Variants in JAM3 observed in about 807,000 individuals in gnomAD.
JAM3 encodes junctional adhesion molecule 3, also known as junctional adhesion molecule C.
JAM3 carries 31 observed loss-of-function variants against 39.4 expected under a neutral mutation model. The observed-to-expected ratio is 0.79, with a 90% confidence interval of 0.59 to 1.06. The LOEUF (loss-of-function observed/expected upper bound fraction) is 1.06. Ranked by LOEUF, JAM3 falls within the 50% of genes least tolerant of loss-of-function variation. The probability of loss-of-function intolerance (pLI) is 0.00; values close to 1 mark genes in which losing one functional copy is unlikely to be tolerated. For missense variants in JAM3, 455 were observed against 391.4 expected (o/e 1.16, Z -1.37); for synonymous variants, 182 against 148.7 (o/e 1.22, Z -1.63).
chr11:134,139,389 G>A (rs925221933), intron 1 of JAM3, among the ~76,000 whole-genome samples: 4 of 152,226 alleles, frequency 2.6e-5, no homozygotes, highest in African/African-American at 7.2e-5. Context: ...CATACCCAGA[G>A]AGTGTTGATG....
At chr11:134,148,370 G>A in intron 6 of JAM3, 177 bp from the exon 7 acceptor site, 2 of 690,600 alleles carry the variant, frequency 2.9e-6, no homozygotes, top group South Asian at 1.7e-5. Context: ...GAGTTATGGT[G>A]TCCTATATGT....
At chr11:134,109,851 ACT>A in intron 1 of JAM3, among the ~76,000 whole-genome samples, 1 of 152,360 alleles carries the variant, frequency 6.6e-6, no homozygotes, top group Non-Finnish European at 1.5e-5. Flanking sequence ...CTGGGGAGAT[ACT>A]GAACCTTTTC....
chr11:134,120,038 C>G (rs1390611308), intron 1 of JAM3, among the ~76,000 whole-genome samples: 1 of 151,656 alleles, frequency 6.6e-6, no homozygotes, highest in Non-Finnish European at 1.5e-5. Context: ...CTTTATCCAC[C>G]CCCACCTCCC....
chr11:134,121,819 G>GCA (rs143306492), intron 1 of JAM3, among the ~76,000 whole-genome samples: 22 of 83,230 alleles, frequency 2.6e-4, no homozygotes, highest in Non-Finnish European at 4.6e-4. Context: ...GTGCATGTGT[G>GCA]CGCACACACA....
intron 1 of JAM3, chr11:134,124,138 C>A: frequency 6.7e-7 from 1 of 1,484,712 alleles, no homozygotes; most frequent in Non-Finnish European, 9.4e-7. Flanking sequence ...AATGGCCAAT[C>A]TAGAAGGTGG....
chr11:134,122,605 G>T (rs905989705), intron 1 of JAM3, among the ~76,000 whole-genome samples: 1 of 152,080 alleles, frequency 6.6e-6, no homozygotes, highest in Admixed American at 6.5e-5. Flanking sequence ...TACTCACTAG[G>T]CATCATCGCT....
chr11:134,104,087 A>C (rs945924427), intron 1 of JAM3, among the ~76,000 whole-genome samples: 16 of 152,234 alleles, frequency 1.1e-4, no homozygotes, highest in African/African-American at 3.9e-4. Flanking sequence ...ACTTATTCCA[A>C]AATTGACCAC....
At chr11:134,075,244 C>T (rs971629575) in intron 1 of JAM3, among the ~76,000 whole-genome samples, 1 of 152,164 alleles carries the variant, frequency 6.6e-6, no homozygotes, top group Non-Finnish European at 1.5e-5. Context: ...AGCACTTACT[C>T]TCTCTGGGCT....
At chr11:134,141,132 AG>A (rs1348421073) in intron 3 of JAM3, among the ~76,000 whole-genome samples, 3 of 152,100 alleles carry the variant, frequency 2.0e-5, no homozygotes, top group African/African-American at 7.2e-5. Flanking sequence ...CATATGTTTC[AG>A]CAAGGGCACA....
rs183125280 is a variant in JAM3, at chr11:134,111,200, G to A, written c.77-28651G>A. Among the ~76,000 whole-genome samples the A allele has an allele frequency of 9.9e-3, 1,309 of 132,630 alleles. 19 individuals carry two copies. The highest frequency in any genetic ancestry group is 0.037 in the African/African-American group (1,231 of 33,708). The allele number at this position is 132,630 out of a possible 152,430, so 87.0% of individuals were successfully genotyped here. A position where few individuals can be genotyped will look rare whatever the true frequency, so the allele number is the denominator to read the frequency against. ...ACTCTGTCGCCCAGGCTCGAGTGCA[G>A]TGGCGCGATCTCGGCTCACTGCAAG... On this transcript the variant is annotated intron_variant, in intron 1 of 8. Coordinates refer to ENST00000299106, the MANE Select transcript of JAM3 (RefSeq NM_032801.5).
chr11:134,073,355 CTATT>C (rs1454560090), intron 1 of JAM3, among the ~76,000 whole-genome samples: 1 of 152,202 alleles, frequency 6.6e-6, no homozygotes, highest in Admixed American at 6.5e-5. Flanking sequence ...AGACATCAAA[CTATT>C]TAATAGAGTT....
rs539233593 is a variant in JAM3, at chr11:134,148,853, C to A, written c.897+35C>A. The stretch of plus-strand genomic sequence containing the variant: ...TAGTAAACCTGGAAACCTAGGTGTA[C>A]CCAGCAGGGAAAACAACATTCCCCC... On this transcript the variant is annotated intron_variant, in intron 8 of 8. Coordinates refer to ENST00000299106, the MANE Select transcript of JAM3 (RefSeq NM_032801.5). The A allele has an allele frequency of 2.6e-5, 41 of 1,604,574 alleles. No individual in the cohort carries two copies. The South Asian group carries it at 4.1e-4, about 16-fold the overall frequency.
In JAM3 at chr11:134,149,253, G is replaced by C; in HGVS notation, c.*72G>C. The stretch of plus-strand genomic sequence containing the variant: ...TCTGCTAGAAACTCCTGTCAAGGCA[G>C]CGAGAGCTGATGCACTCGGACAGAG... On this transcript the variant is annotated 3_prime_UTR_variant, in exon 9 of 9. Transcript: ENST00000299106. 5.7e-6 allele frequency: 9 copies of C among 1,587,670 alleles called. No individual in the cohort carries two copies. Among genetic ancestry groups the C allele is most frequent in the Non-Finnish European group, 6.9e-6 (8 of 1,157,418 alleles).
chr11:134,148,860 G>A (rs1943130429), intron 8 of JAM3, 42 bp downstream of exon 8: 3 of 1,600,666 alleles, frequency 1.9e-6, no homozygotes, highest in Non-Finnish European at 2.6e-6. Context: ...GTACCCAGCA[G>A]GGAAAACAAC....
At chr11:134,135,478 C>T (rs559494655) in intron 1 of JAM3, among the ~76,000 whole-genome samples, 60 of 151,748 alleles carry the variant, frequency 4.0e-4, no homozygotes, top group African/African-American at 8.2e-4. Context: ...TGAATAAATA[C>T]GGTATTTTTT....
chr11:134,125,985 T>C (rs1942641445), intron 1 of JAM3, among the ~76,000 whole-genome samples: 1 of 152,206 alleles, frequency 6.6e-6, no homozygotes. Flanking sequence ...TCATGCTCTT[T>C]GTGAAACTAA....
At chr11:134,091,557 A>G (rs674487) in intron 1 of JAM3, among the ~76,000 whole-genome samples, 120,512 of 151,496 alleles carry the variant, frequency 0.8, 48,823 homozygotes, top group East Asian at 0.96. Context: ...GTAAGCCCAG[A>G]AGTTAGAGGC....
At chr11:134,105,306 C>G (rs1942162578) in intron 1 of JAM3, among the ~76,000 whole-genome samples, 1 of 152,148 alleles carries the variant, frequency 6.6e-6, no homozygotes, top group Non-Finnish European at 1.5e-5. Context: ...TTCAACAGCC[C>G]TTCATGCTAA....
chr11:134,144,955 C>T lies in JAM3; in HGVS notation c.573C>T (p.Arg191=), dbSNP rs1418150849. 2 of 1,614,164 alleles carry T rather than the reference C, an allele frequency of 1.2e-6. No homozygotes were observed. The highest frequency in any genetic ancestry group is 1.1e-5 in the South Asian group (1 of 91,078). ...ATTCCAGAGCCAATCCCAGATTTCG[C>T]AATTCTTCTTTCCACTTAAACTCTG... is the stretch of plus-strand genomic sequence containing the variant. ...PTDSRANPRF[R]NSSFHLNSET... The change falls in exon 5 of 9, where the codon CGC becomes CGT. Residue 191 remains arginine, a synonymous_variant. Coordinates refer to ENST00000299106, the MANE Select transcript of JAM3 (RefSeq NM_032801.5).
Sources: gnomAD v4.1 joint callset for allele counts (sites outside exome capture counted in the v4.1 genomes callset) on GRCh38, gnomAD v4.1.1 for gene constraint, MANE v1.5 for transcripts, NCBI Gene and HGNC (gene_info 2026-07-23, HGNC 2026-07-21) for gene names.